BICRA: variants seen among roughly 807,000 people sequenced by gnomAD.
The protein encoded by BICRA is BRD4 interacting chromatin remodeling complex associated protein, also known as BRD4-interacting chromatin-remodeling complex-associated protein.
Under a neutral mutation model 96.9 loss-of-function variants are expected in BICRA, and 31 were observed. The ratio of observed to expected loss-of-function variants is 0.32; its 90% CI spans 0.24 to 0.43. The LOEUF is 0.43. BICRA is among the 20% of genes least tolerant of loss of function. The pLI, the probability that BICRA is intolerant of heterozygous loss-of-function variation, is 1.00. For missense variants in BICRA, 2,283 were observed against 2,190.3 expected, an observed-to-expected ratio of 1.04 and a Z score of -0.84; for synonymous variants, 1,350 against 1,071.8, an observed-to-expected ratio of 1.26 and a Z score of -5.07.
chr19:47,614,534 T>C (rs767048034), intron 1 of BICRA, among the ~76,000 whole-genome samples: 1 of 152,182 alleles, frequency 6.6e-6, no homozygotes, highest in Non-Finnish European at 1.5e-5. Flanking sequence ...GGGGAATTGC[T>C]TGAATGCAGG....
Position 47,679,961 on chromosome 19 carries a change from C to G in BICRA, c.791C>G (p.Ala264Gly). Residue 264 changes from alanine to glycine, a missense_variant, in exon 6 of 15, where the codon GCC (alanine) becomes GGC (glycine). Ala to Gly is a moderately conservative substitution (Grantham distance 60, BLOSUM62 0). Transcript: ENST00000594866. Reference sequence around the variant, plus strand: ...CAGGTGCCCGTCAGCGGCTACCTGGCCTCGGCGGCTGGCCCCTCGGAGCCC... The same window carrying G: ...CAGGTGCCCGTCAGCGGCTACCTGGGCTCGGCGGCTGGCCCCTCGGAGCCC... Reference protein sequence around the residue: ...AKQVPVSGYLASAAGPSEPVT... With the variant: ...AKQVPVSGYLGSAAGPSEPVT... The G allele has an allele frequency of 6.7e-7, 1 of 1,491,590 alleles. No individual in the cohort carries two copies. Among genetic ancestry groups the G allele is most frequent in the Non-Finnish European group, 8.9e-7 (1 of 1,127,974 alleles). The allele number at this position is 1,491,590 out of a possible 1,614,324, so 92.4% of individuals were successfully genotyped here.
chr19:47,640,895 A>AT (rs35232398), intron 1 of BICRA, among the ~76,000 whole-genome samples: 42,814 of 95,212 alleles, frequency 0.45, 12,024 homozygotes, highest in East Asian at 0.7. Context: ...TCAGAGTCAG[A>AT]TTTTTTTTTT....
intron 1 of BICRA, among the ~76,000 whole-genome samples, chr19:47,626,725 T>TG (rs1294262978): frequency 6.9e-6 from 1 of 145,404 alleles, no homozygotes; most frequent in East Asian, 2.0e-4. Context: ...GGGTTTTTTT[T>TG]TTTTTTTTTT....
At chr19:47,635,096 AT>A (rs1972280902) in intron 1 of BICRA, among the ~76,000 whole-genome samples, 1 of 152,120 alleles carries the variant, frequency 6.6e-6, no homozygotes, top group African/African-American at 2.4e-5. Context: ...TGCCTGATAC[AT>A]CAAAAGCAAC....
Position 47,680,991 on chromosome 19 carries a change from C to A in BICRA, c.1821C>A (p.Thr607=). ...CCGACGGCCTGGTGCAGCCGGCCAC[C>A]CCTGCCGCTGCCACCGGGGAGGCCG... ...NTPDGLVQPA[T]PAAATGEAAP... is the part of the protein sequence containing the mutation. Residue 607 remains threonine, a synonymous_variant, in exon 6 of 15, where the codon ACC becomes ACA. Transcript: ENST00000594866. 1 of 1,462,572 alleles carries A rather than the reference C, an allele frequency of 6.8e-7. No homozygotes were observed. The allele number at this position is 1,462,572 out of a possible 1,614,324, so 90.6% of individuals were successfully genotyped here.
chr19:47,630,269 T>G (rs952642527), intron 1 of BICRA, among the ~76,000 whole-genome samples: 7 of 150,504 alleles, frequency 4.7e-5, no homozygotes, highest in Admixed American at 3.3e-4. Context: ...CACGCCATTC[T>G]CCTGCCTCAG....
rs771903245 is a variant in BICRA, at chr19:47,701,486, G to C, written c.3754G>C (p.Gly1252Arg). 1.4e-5 allele frequency: 22 copies of C among 1,549,890 alleles called. No homozygotes were observed. The South Asian group carries it at 2.6e-4, about 18-fold the overall frequency. ...LPTKLVIRHG[G>R]AGGSPSVTWA... ...CACCAAGCTTGTGATCCGGCACGGCGGGGCAGGCGGCTCCCCTTCGGTCAC... is the reference window on the plus strand; with the variant it reads ...CACCAAGCTTGTGATCCGGCACGGCCGGGCAGGCGGCTCCCCTTCGGTCAC... Residue 1252 changes from glycine (G) to arginine (R), a missense_variant, in exon 15 of 15, where the codon GGG becomes CGG. Physicochemically the swap from Gly to Arg is moderately radical, Grantham distance 125. Transcript: ENST00000594866. This position sits in a 1 kb window ranked among gnomAD's most constrained non-coding sequence, Gnocchi z 5.4.
intron 1 of BICRA, among the ~76,000 whole-genome samples, chr19:47,636,961 TCTC>T (rs1301571858): frequency 6.6e-6 from 1 of 152,142 alleles, no homozygotes; most frequent in Non-Finnish European, 1.5e-5. Context: ...AACTTGTTGT[TCTC>T]CTGCTGTGGG....
In BICRA at chr19:47,681,112, C is replaced by G. The variant is rs1462386042; in HGVS notation, c.1942C>G (p.Pro648Ala). 1.4e-6 allele frequency: 2 copies of G among 1,478,482 alleles called. No individual in the cohort carries two copies. The highest frequency in any genetic ancestry group is 4.2e-5 in the Admixed American group (2 of 47,202). The allele number at this position is 1,478,482 out of a possible 1,614,324, so 91.6% of individuals were successfully genotyped here. The change falls in exon 6 of 15, where the codon CCG (proline) becomes GCG (alanine). Residue 648 changes from proline (P) to alanine (A), a missense_variant. Physicochemically the swap from Pro to Ala is conservative, Grantham distance 27. Transcript: ENST00000594866. ...GLQQPQAQQP[P>A]QAPTPQAAAP... ...CCAGCAGCCGCAGGCGCAGCAGCCC[C>G]CGCAGGCCCCCACCCCACAGGCCGC...
chr19:47,624,906 C>T (rs573359115), intron 1 of BICRA, among the ~76,000 whole-genome samples: 16 of 150,810 alleles, frequency 1.1e-4, no homozygotes, highest in Non-Finnish European at 2.1e-4. Context: ...GTTGCCCAGG[C>T]TGGCCTTGAA....
chr19:47,675,003 G>GCC lies in BICRA; in HGVS notation c.85-848_85-847insCC. ...AGAGCAGAGGCATGAGCAATGGGAT[G>GCC]ATGGCAGCCTGGGCCATGGTGCAGG... is the stretch of plus-strand genomic sequence containing the variant. On this transcript the variant is annotated intron_variant, in intron 4 of 14. Coordinates refer to ENST00000594866, the MANE Select transcript of BICRA (RefSeq NM_001394372.1). This position sits in a 1 kb window ranked among gnomAD's most constrained non-coding sequence, Gnocchi z 4.7. Among the ~76,000 whole-genome samples the GCC allele has an allele frequency of 6.6e-6, 1 of 152,336 alleles. No homozygotes were observed. The highest frequency in any genetic ancestry group is 1.9e-4 in the East Asian group (1 of 5,180).
In BICRA at chr19:47,701,274, G is replaced by A. The variant is rs1973436914; in HGVS notation, c.3596-54G>A. On this transcript the variant is annotated intron_variant, in intron 14 of 14. Transcript: ENST00000594866. This position sits in a 1 kb window ranked among gnomAD's most constrained non-coding sequence, Gnocchi z 5.4. ...CACTGCACACAGCTCCTCCCAGCTC[G>A]GTCGGGGGGTCCTCATCCTAACCCC... is the stretch of plus-strand genomic sequence containing the variant. The A allele has an allele frequency of 2.3e-6, 3 of 1,304,786 alleles. No homozygotes were observed. Among genetic ancestry groups the A allele is most frequent in the African/African-American group, 1.5e-5 (1 of 68,950 alleles). 80.8% of individuals were successfully genotyped at this position (1,304,786 alleles called of 1,614,324 possible). A position where few individuals can be genotyped will look rare whatever the true frequency, so the allele number is the denominator to read the frequency against.
At position 47,641,260 on chromosome 19, in the gene BICRA, C is replaced by CTT. The variant is rs1378734706; in HGVS notation, c.-107-29183_-107-29182insTT. On this transcript the variant is annotated intron_variant, in intron 1 of 14. Coordinates refer to ENST00000594866, the MANE Select transcript of BICRA (RefSeq NM_001394372.1). ...ACTTTACTTAGGTATAATTTATGTA[C>CTT]AGTGTGACACACCCATTTAAAAAGT... Among the ~76,000 whole-genome samples, 6 of 151,882 alleles carry CTT rather than the reference C, an allele frequency of 4.0e-5. No individual in the cohort carries two copies. In the South Asian group the frequency reaches 1.3e-3, roughly 32 times the overall value.
chr19:47,617,174 C>T (rs1971997957), intron 1 of BICRA, among the ~76,000 whole-genome samples: 1 of 152,110 alleles, frequency 6.6e-6, no homozygotes, highest in Admixed American at 6.6e-5. Context: ...CAAGGTCTTG[C>T]TATATTGCTC....
intron 1 of BICRA, among the ~76,000 whole-genome samples, chr19:47,629,623 G>A (rs1270204186): frequency 6.6e-6 from 1 of 152,136 alleles, no homozygotes; most frequent in Admixed American, 6.6e-5. Flanking sequence ...TGCGAATAAT[G>A]CTGCTTTGAA....
Position 47,702,671 on chromosome 19 carries a change from T to C in BICRA, c.*256T>C, listed in dbSNP as rs947810028. The C allele has an allele frequency of 2.0e-6, 1 of 502,722 alleles. No homozygotes were observed. Among genetic ancestry groups the C allele is most frequent in the Non-Finnish European group, 3.4e-6 (1 of 289,912 alleles). 31.1% of individuals were successfully genotyped at this position (502,722 alleles called of 1,614,324 possible). A position where few individuals can be genotyped will look rare whatever the true frequency, so the allele number is the denominator to read the frequency against. On this transcript the variant is annotated 3_prime_UTR_variant, in exon 15 of 15. Transcript: ENST00000594866. Reference sequence around the variant, plus strand: ...AGGAGGGGCAAAGTGCTGTGTCAGTTCCTGTTTCTTCCCATTTCCTGGCAC... The same window carrying C: ...AGGAGGGGCAAAGTGCTGTGTCAGTCCCTGTTTCTTCCCATTTCCTGGCAC...
intron 1 of BICRA, among the ~76,000 whole-genome samples, chr19:47,634,424 G>A (rs1340440798): frequency 6.6e-6 from 1 of 152,218 alleles, no homozygotes; most frequent in Non-Finnish European, 1.5e-5. Flanking sequence ...AAAGTGGCCA[G>A]GTAGAGGAAG....
At chr19:47,695,342 T>TCGGGGGGGGCC in intron 9 of BICRA, 23 bp from the exon 10 acceptor site, 1 of 630,196 alleles carries the variant, frequency 1.6e-6, no homozygotes, top group Non-Finnish European at 2.8e-6. Flanking sequence ...AGGCCCTGTC[T>TCGGGGGGGGCC]CCCCCACCCC....
In BICRA at chr19:47,647,083, G is replaced by C. The variant is rs528267699; in HGVS notation, c.-107-23360G>C. 2.5e-4 allele frequency among the ~76,000 whole-genome samples: 38 copies of C among 152,306 alleles called. 1 individual carries two copies. Among genetic ancestry groups the C allele is most frequent in the Admixed American group, 1.3e-3 (20 of 15,294 alleles). ...TTGTGCCTGGCTTCTTTCACTCAGC[G>C]TGATGTTGTCAAGGTCCCTCCGTGT... On this transcript the variant is annotated intron_variant, in intron 1 of 14. Coordinates refer to ENST00000594866, the MANE Select transcript of BICRA (RefSeq NM_001394372.1).
Sources: gnomAD v4.1 joint callset for allele counts (sites outside exome capture counted in the v4.1 genomes callset) on GRCh38, gnomAD v4.1.1 for gene constraint, Gnocchi (gnomAD v3.1) non-coding constraint, MANE v1.5 for transcripts, NCBI Gene and HGNC (gene_info 2026-07-23, HGNC 2026-07-21) for gene names.